Variants in ANO1 observed in about 807,000 individuals in gnomAD.
ANO1 encodes the protein anoctamin 1.
ANO1 carries 59 observed loss-of-function variants against 124.0 expected under a neutral mutation model. The observed-to-expected ratio is 0.48, with a 90% CI of 0.39 to 0.59. The LOEUF (loss-of-function observed/expected upper bound fraction) is 0.59. Among genes scored for constraint, ANO1 ranks in the 20% least tolerant of loss-of-function variants. The pLI, the probability that ANO1 is intolerant of heterozygous loss-of-function variation, is 0.00. For synonymous variants in ANO1, 529 were observed against 532.0 expected, an observed-to-expected ratio of 0.99 and a Z score of 0.08; for missense variants, 1,059 against 1,328.0, an observed-to-expected ratio of 0.80 and a Z score of 3.15.
intron 5 of ANO1, chr11:70,108,099 C>T (rs1300111892): frequency 4.6e-5 from 21 of 459,838 alleles, no homozygotes; most frequent in Non-Finnish European, 6.7e-5. Flanking sequence ...ATGACTCCCA[C>T]GTTGGGAGGT....
chr11:70,034,354 A>T (rs1857058538), intron 1 of ANO1, among the ~76,000 whole-genome samples: 1 of 152,140 alleles, frequency 6.6e-6, no homozygotes, highest in Admixed American at 6.5e-5. Flanking sequence ...GAAGCTTTCT[A>T]GACGTGATGA....
intron 1 of ANO1, among the ~76,000 whole-genome samples, chr11:70,059,536 C>T (rs1168480494): frequency 4.6e-5 from 7 of 152,168 alleles, no homozygotes; most frequent in African/African-American, 1.7e-4. Flanking sequence ...AATTTACGGA[C>T]ACGGGGCATA....
chr11:70,173,749 TTTAAAGTGAAAAAGGCCAGGGCCGGG>T (rs1299032782), intron 22 of ANO1, among the ~76,000 whole-genome samples: 1 of 152,106 alleles, frequency 6.6e-6, no homozygotes, highest in Admixed American at 6.5e-5. Context: ...CATTTCACAC[TTTAAAGTGAAAAAGGCCAGGGCCGGG>T]CGCAGTGGCT....
intron 1 of ANO1, among the ~76,000 whole-genome samples, chr11:70,042,398 A>T (rs1857196203): frequency 6.6e-6 from 1 of 152,232 alleles, no homozygotes; most frequent in African/African-American, 2.4e-5. Context: ...GAAGACAAAA[A>T]GATTAGAGTT....
At position 70,001,257 on chromosome 11, in the gene ANO1, T is replaced by A. The variant is rs116473311; in HGVS notation, c.58+15091T>A. Among the ~76,000 whole-genome samples, 677 of 152,296 alleles carry A rather than the reference T, an allele frequency of 4.4e-3. 6 individuals carry two copies. The highest frequency in any genetic ancestry group is 0.015 in the African/African-American group (639 of 41,556). On this transcript the variant is annotated intron_variant, in intron 1 of 27. Coordinates refer to the ANO1 transcript ENST00000531349. ...TAGCTGGCCTACATTCTAAATAGAA[T>A]GCTCAGTAAACAAAGAGGCAGAGGC...
intron 11 of ANO1, among the ~76,000 whole-genome samples, chr11:70,134,618 G>C (rs1590824894): frequency 6.6e-6 from 1 of 152,212 alleles, no homozygotes. Flanking sequence ...GAGTGTGCGT[G>C]CGCCTGGTGT....
chr11:69,977,226 G>A, the ANO1 span, among the ~76,000 whole-genome samples: 4 of 152,196 alleles, frequency 2.6e-5, no homozygotes, highest in Non-Finnish European at 4.4e-5. Context: ...TGACCCTAGC[G>A]AGTCCGGTTC....
At position 70,010,173 on chromosome 11, in the gene ANO1, G is replaced by GTA. The variant is rs1565159722; in HGVS notation, c.58+24008_58+24009insAT. On this transcript the variant is annotated intron_variant, in intron 1 of 27. Transcript: ENST00000531349. ...TGTGTGTGTGTGTGTGTGCGCGTGT[G>GTA]TGTGTGTATATATATATATATATAT... Among the ~76,000 whole-genome samples, 13 of 50,632 alleles carry GTA rather than the reference G, an allele frequency of 2.6e-4. 1 individual carries two copies. Among genetic ancestry groups the GTA allele is most frequent in the South Asian group, 1.8e-3 (2 of 1,128 alleles). 33.2% of individuals were successfully genotyped at this position (50,632 alleles called of 152,430 possible).
chr11:70,103,274 ACCC>A, intron 3 of ANO1, 110 bp downstream of exon 3: 3 of 870,464 alleles, frequency 3.4e-6, no homozygotes, highest in Non-Finnish European at 5.3e-6. Flanking sequence ...TAAAAAAAAA[ACCC>A]AGTGGGCTTC....
At chr11:69,978,309 CT>C in the ANO1 span, among the ~76,000 whole-genome samples, 1 of 152,132 alleles carries the variant, frequency 6.6e-6, no homozygotes, top group Non-Finnish European at 1.5e-5. Context: ...AGCGGATGGA[CT>C]GGGTGCCTGC....
intron 7 of ANO1, among the ~76,000 whole-genome samples, chr11:70,113,875 G>A (rs570007333): frequency 3.9e-4 from 60 of 152,160 alleles, no homozygotes; most frequent in African/African-American, 1.4e-3. Flanking sequence ...AGCCCCTTTG[G>A]AGGAGCTGGG....
intron 1 of ANO1, among the ~76,000 whole-genome samples, chr11:70,020,399 C>A (rs1856780790): frequency 6.6e-6 from 1 of 152,186 alleles, no homozygotes; most frequent in South Asian, 2.1e-4. Flanking sequence ...CTTATGCCAC[C>A]CTCTTGCCAG....
chr11:69,997,295 C>G (rs1856288696), intron 1 of ANO1, among the ~76,000 whole-genome samples: 1 of 151,916 alleles, frequency 6.6e-6, no homozygotes, highest in Non-Finnish European at 1.5e-5. Flanking sequence ...CCCACCTCCA[C>G]TGCATAAAAT....
intron 10 of ANO1, among the ~76,000 whole-genome samples, chr11:70,128,360 C>A (rs1478225685): frequency 2.6e-5 from 4 of 152,196 alleles, no homozygotes; most frequent in African/African-American, 9.7e-5. Context: ...AGGCTAGGAG[C>A]TCAAAGCCGG....
rs139513197 is a variant in ANO1 at position 70,147,997 on chromosome 11, G to A, written c.1259-1713G>A. Among the ~76,000 whole-genome samples the A allele has an allele frequency of 6.8e-3, 1,038 of 152,248 alleles. 11 individuals carry two copies. The highest frequency in any genetic ancestry group is 9.7e-3 in the Non-Finnish European group (663 of 68,018). On this transcript the variant is annotated intron_variant, in intron 11 of 25. Transcript: ENST00000355303. ...TTCCTATTTCCAGGCTGGGCCGGCCGATACAGTAGCCATCCTAGACAAACC... is the reference window on the plus strand; with the variant it reads ...TTCCTATTTCCAGGCTGGGCCGGCCAATACAGTAGCCATCCTAGACAAACC...
chr11:69,966,613 T>C, the ANO1 span, among the ~76,000 whole-genome samples: 2 of 151,500 alleles, frequency 1.3e-5, no homozygotes, highest in Non-Finnish European at 2.9e-5. Flanking sequence ...GAGCTGGCGA[T>C]GGAGGAGACA....
chr11:70,149,923 C>T, intron 12 of ANO1, 131 bp downstream of exon 12: 1 of 948,188 alleles, frequency 1.1e-6, no homozygotes, highest in Non-Finnish European at 1.6e-6. Flanking sequence ...AAGGCCGCCC[C>T]CCATCCCCCA....
chr11:70,138,506 C>CAA (rs564343150), intron 11 of ANO1, among the ~76,000 whole-genome samples: 56 of 125,958 alleles, frequency 4.4e-4, no homozygotes, highest in South Asian at 1.0e-3. Context: ...AAGTCCGTCT[C>CAA]AAAAAAAAAA....
intron 1 of ANO1, among the ~76,000 whole-genome samples, chr11:69,986,475 G>C (rs962569065): frequency 1.3e-5 from 2 of 152,186 alleles, no homozygotes; most frequent in Non-Finnish European, 2.9e-5. Flanking sequence ...CGGCCCCTGG[G>C]GAGACATCTG....
Sources: gnomAD v4.1 joint callset for allele counts (sites outside exome capture counted in the v4.1 genomes callset) on GRCh38, gnomAD v4.1.1 for gene constraint, MANE v1.5 for transcripts, NCBI Gene and HGNC (gene_info 2026-07-23, HGNC 2026-07-21) for gene names.